The following MALAT1 variants were observed in gnomAD, a reference collection of about 807,000 sequenced individuals.
MALAT1 encodes metastasis associated lung adenocarcinoma transcript 1.
exon 3 of MALAT1, chr11:65,500,813 T>G (rs762532183): frequency 3.9e-6 from 2 of 518,992 alleles, no homozygotes; most frequent in Admixed American, 1.9e-5. Context: ...AACTTACTTA[T>G]GGTAACCTTT....
At chr11:65,499,387 A>G (rs1362139420) in exon 3 of MALAT1, 1 of 489,528 alleles carries the variant, frequency 2.0e-6, no homozygotes. Context: ...CCGAATTAAT[A>G]CCAATAGAAG....
At chr11:65,503,879 A>G (rs1253717123) in exon 3 of MALAT1, 2 of 518,294 alleles carry the variant, frequency 3.9e-6, no homozygotes, top group Non-Finnish European at 7.7e-6. Context: ...GGCCCTCTAA[A>G]TAAGGAATAA....
At chr11:65,506,510 G>A (rs773701702), downstream of MALAT1, 24 of 265,796 alleles carry the variant, frequency 9.0e-5, no homozygotes, top group Middle Eastern at 1.4e-3. Context: ...CTTGATTGGG[G>A]AAAAAAGATG....
chr11:65,499,520 A>G (rs750286448), exon 3 of MALAT1: 9 of 459,694 alleles, frequency 2.0e-5, no homozygotes, highest in Middle Eastern at 3.3e-4. Context: ...AAGGTGATTA[A>G]AAGACCTTGA....
At chr11:65,505,697 C>T (rs938736164) in intron 3 of MALAT1, 1 of 518,934 alleles carries the variant, frequency 1.9e-6, no homozygotes, top group Non-Finnish European at 3.8e-6. Context: ...GTGGGTTGAA[C>T]TATGTTAGAA....
exon 3 of MALAT1, chr11:65,501,521 C>T (rs774640428): frequency 2.1e-5 from 11 of 518,502 alleles, no homozygotes; most frequent in African/African-American, 1.9e-4. Flanking sequence ...TTACTTGAAG[C>T]ATTTTGGGAT....
At chr11:65,498,159 G>A (rs756152174) in intron 1 of MALAT1, 4 of 518,822 alleles carry the variant, frequency 7.7e-6, no homozygotes, top group Non-Finnish European at 1.5e-5. Context: ...ACACTTCTGG[G>A]TGTGTCCCTG....
At chr11:65,504,748 C>T in intron 3 of MALAT1, 1 of 518,956 alleles carries the variant, frequency 1.9e-6, no homozygotes, top group Non-Finnish European at 3.8e-6. Context: ...TTAAACAGTT[C>T]AGTGATCTTT....
At chr11:65,498,823 C>G (rs1854465319) in intron 2 of MALAT1, 2 of 518,724 alleles carry the variant, frequency 3.9e-6, no homozygotes, top group Non-Finnish European at 7.7e-6. Context: ...AAGTTTGCAG[C>G]TCAAATCTTT....
In MALAT1 at chr11:65,499,637, T is replaced by C. The variant is rs11540782; in HGVS notation, n.900T>C. 3,368 of 442,836 alleles carry C rather than the reference T, an allele frequency of 7.6e-3. 80 individuals are homozygous for C. Among genetic ancestry groups the C allele is most frequent in the African/African-American group, 0.057 (2,789 of 49,128 alleles). 27.4% of individuals were successfully genotyped at this position (442,836 alleles called of 1,614,324 possible). ...TTGGGAGTGGTAGGATGAAACAATT[T>C]GGAGAAGATAGAAGTTTGAAGTGGA... On this transcript the variant is annotated non_coding_transcript_exon_variant, in exon 3 of 4. Coordinates refer to ENST00000619449, the Ensembl canonical transcript of MALAT1.
At chr11:65,498,649 C>T (rs576130602) in intron 1 of MALAT1, 2 of 518,464 alleles carry the variant, frequency 3.9e-6, no homozygotes, top group East Asian at 5.5e-5. Flanking sequence ...AAGTAAAGCC[C>T]TGAACTATCA....
At chr11:65,501,914 ATTG>A (rs1401291260) in exon 3 of MALAT1, 1 of 517,496 alleles carries the variant, frequency 1.9e-6, no homozygotes, top group Admixed American at 2.0e-5. Context: ...GGTTTAGGTA[ATTG>A]TTTAGTTTAT....
At chr11:65,499,086 C>T (rs745530844) in exon 3 of MALAT1, 6 of 518,250 alleles carry the variant, frequency 1.2e-5, no homozygotes, top group East Asian at 1.1e-4. Flanking sequence ...GCTGAGGGGG[C>T]AGGCGGAGCT....
exon 3 of MALAT1, chr11:65,499,882 G>T (rs919239873): frequency 2.3e-6 from 1 of 430,946 alleles, no homozygotes; most frequent in African/African-American, 2.1e-5. Context: ...TGAAAATATT[G>T]TCAAGAGTTT....
At chr11:65,503,218 T>C (rs763385362) in exon 3 of MALAT1, 2 of 513,920 alleles carry the variant, frequency 3.9e-6, no homozygotes, top group Non-Finnish European at 7.8e-6. Flanking sequence ...TCTGCAGTAT[T>C]GCATGTTAGG....
exon 3 of MALAT1, chr11:65,500,673 A>C (rs770770095): frequency 4.2e-5 from 22 of 518,892 alleles, no homozygotes; most frequent in Middle Eastern, 6.3e-4. Flanking sequence ...TTGGCTTGGC[A>C]ACCACACGGA....
exon 3 of MALAT1, chr11:65,500,249 A>G (rs1854511253): frequency 1.9e-6 from 1 of 518,428 alleles, no homozygotes; most frequent in Non-Finnish European, 3.9e-6. Context: ...CCTTAAATAT[A>G]GTAGCTTAGT....
At position 65,499,125 on chromosome 11, in the gene MALAT1, C is replaced by T. The variant is rs368911648; in HGVS notation, n.388C>T. ...GGAAACCGCAGATAAGTTTTTTTCT[C>T]TTTGAAAGATAGAGATTAATACAAC... is the stretch of plus-strand genomic sequence containing the variant. On this transcript the variant is annotated non_coding_transcript_exon_variant, in exon 3 of 4. Transcript: ENST00000619449. 1.7e-3 allele frequency: 900 copies of T among 517,650 alleles called. 5 individuals carry two copies. The highest frequency in any genetic ancestry group is 2.9e-3 in the Non-Finnish European group (763 of 259,578). 32.1% of individuals were successfully genotyped at this position (517,650 alleles called of 1,614,324 possible). A position where few individuals can be genotyped will look rare whatever the true frequency, so the allele number is the denominator to read the frequency against.
chr11:65,500,900 C>T (rs899237256), exon 3 of MALAT1: 2 of 515,480 alleles, frequency 3.9e-6, no homozygotes, highest in African/African-American at 3.9e-5. Flanking sequence ...GGCCGATTTC[C>T]GGGTGTTGTA....
Sources: allele counts gnomAD v4.1 joint callset, GRCh38; gene constraint gnomAD v4.1.1; transcripts MANE v1.5; gene names NCBI Gene and HGNC (gene_info 2026-07-23, HGNC 2026-07-21).